Variants in SEC24B observed in about 807,000 individuals in gnomAD.
The protein encoded by SEC24B is SEC24 homolog B, COPII component.
SEC24B carries 45 observed loss-of-function variants against 142.8 expected under a neutral mutation model. That is an observed-to-expected ratio of 0.32 (90% confidence interval 0.25 to 0.40). The LOEUF is 0.40. Ranked by LOEUF, SEC24B falls within the 10% of genes least tolerant of loss-of-function variation. The pLI is 1.00. For synonymous variants in SEC24B, 574 were observed against 568.2 expected, an observed-to-expected ratio of 1.01 and a Z score of -0.15; for missense variants, 1,409 against 1,526.8, an observed-to-expected ratio of 0.92 and a Z score of 1.29.
rs748072579 is a variant in SEC24B at position 109,510,032 on chromosome 4, A to G, written c.1697A>G (p.Asn566Ser). The G allele has an allele frequency of 3.1e-6, 5 of 1,608,338 alleles. No individual in the cohort carries two copies. Among genetic ancestry groups the G allele is most frequent in the Non-Finnish European group, 4.2e-6 (5 of 1,178,016 alleles). The stretch of plus-strand genomic sequence containing the variant: ...AGTTCATTTCGGTGTACTTTGACAA[A>G]TATTCCACAGACACAGGCTTTACTG... ...SPDSFRCTLT[N>S]IPQTQALLNK... Residue 566 changes from asparagine (N) to serine (S), a missense_variant, in exon 8 of 24, where the codon AAT becomes AGT. Coordinates refer to ENST00000265175, the MANE Select transcript of SEC24B (RefSeq NM_006323.5).
At chr4:109,439,935 A>G (rs953991593) in intron 1 of SEC24B, among the ~76,000 whole-genome samples, 2 of 151,518 alleles carry the variant, frequency 1.3e-5, no homozygotes, top group Admixed American at 1.3e-4. Flanking sequence ...AGCCTGGACG[A>G]CAGGATGAAA....
chr4:109,445,008 C>T (rs1265361481), intron 1 of SEC24B, among the ~76,000 whole-genome samples: 5 of 152,034 alleles, frequency 3.3e-5, no homozygotes, highest in African/African-American at 4.8e-5. Context: ...ACTGCAACCT[C>T]GATCTCCTGG....
chr4:109,482,465 G>T (rs1236390836), intron 4 of SEC24B, among the ~76,000 whole-genome samples: 1 of 152,008 alleles, frequency 6.6e-6, no homozygotes, highest in Admixed American at 6.6e-5. Context: ...AATGCTTGGG[G>T]CCAGAGTGTT....
intron 3 of SEC24B, among the ~76,000 whole-genome samples, chr4:109,478,662 G>A (rs887382306): frequency 6.6e-6 from 1 of 152,116 alleles, no homozygotes; most frequent in Non-Finnish European, 1.5e-5. Context: ...ATAATGTTAC[G>A]CTCCTTCTCT....
chr4:109,539,825 G>A lies in SEC24B; in HGVS notation c.*150G>A. 1 of 589,798 alleles carries A rather than the reference G, an allele frequency of 1.7e-6. No homozygotes were observed. The highest frequency in any genetic ancestry group is 3.0e-6 in the Non-Finnish European group (1 of 335,686). 36.5% of individuals were successfully genotyped at this position (589,798 alleles called of 1,614,324 possible). The stretch of plus-strand genomic sequence containing the variant: ...TCTGAGGCTTTGGTAAAAAGTAAAG[G>A]GGAAGAAAGAACTTGACAGATCTTT... On this transcript the variant is annotated 3_prime_UTR_variant, in exon 24 of 24. Transcript: ENST00000265175.
In SEC24B at chr4:109,538,536, G is replaced by A. The variant is rs368092039; in HGVS notation, c.3632G>A (p.Arg1211Lys). The change falls in exon 23 of 24, where the codon AGA (arginine) becomes AAA (lysine). Residue 1211 changes from arginine to lysine, a missense_variant. This residue lies in a region of SEC24B where 700 missense variants were observed against 853.3 expected (regional missense o/e 0.82). Coordinates refer to ENST00000265175, the MANE Select transcript of SEC24B (RefSeq NM_006323.5). ...GATACACTTTCATCAGAAAGAGCCAGATCCTTCATAACTTGGCTTAGAGAC... is the reference window on the plus strand; with the variant it reads ...GATACACTTTCATCAGAAAGAGCCAAATCCTTCATAACTTGGCTTAGAGAC... ...ELDTLSSERA[R>K]SFITWLRDSR... The A allele has an allele frequency of 8.1e-5, 130 of 1,613,344 alleles. No individual in the cohort carries two copies. Among genetic ancestry groups the A allele is most frequent in the Non-Finnish European group, 1.1e-4 (127 of 1,179,464 alleles).
Position 109,516,546 on chromosome 4 carries a change from G to A in SEC24B, c.2032G>A (p.Ala678Thr). 6.2e-7 allele frequency: 1 copy of A among 1,610,636 alleles called. No homozygotes were observed. The highest frequency in any genetic ancestry group is 8.5e-7 in the Non-Finnish European group (1 of 1,178,026). ...SDYMLRPPQP[A>T]VYLFVLDVSH... Reference sequence around the variant, plus strand: ...CTTTCAGCTGCGTCCTCCTCAACCTGCAGTTTACTTGTTTGTTTTAGATGT... The same window carrying A: ...CTTTCAGCTGCGTCCTCCTCAACCTACAGTTTACTTGTTTGTTTTAGATGT... Residue 678 changes from alanine (A) to threonine (T), a missense_variant, in exon 11 of 24, where the codon GCA (alanine) becomes ACA (threonine). Transcript: ENST00000265175.
chr4:109,509,261 A>G (rs1037255472), intron 7 of SEC24B, among the ~76,000 whole-genome samples: 1 of 152,192 alleles, frequency 6.6e-6, no homozygotes, highest in Non-Finnish European at 1.5e-5. Flanking sequence ...GAATAAATAG[A>G]TATCTCTACA....
At position 109,462,999 on chromosome 4, in the gene SEC24B, A is replaced by G. The variant is rs1445534729; in HGVS notation, c.232A>G (p.Met78Val). The change falls in exon 2 of 24, where the codon ATG becomes GTG. Residue 78 changes from methionine to valine, a missense_variant. Physicochemically the swap from Met to Val is conservative, Grantham distance 21. Transcript: ENST00000265175. The stretch of plus-strand genomic sequence containing the variant: ...ACATTACTCTCAAGGACCTGGGAAA[A>G]TGACCTCATTGCCATTGGATACCCA... The part of the protein sequence containing the change: ...SGHYSQGPGK[M>V]TSLPLDTQCG... The G allele has an allele frequency of 1.2e-6, 2 of 1,614,084 alleles. No homozygotes were observed. The highest frequency in any genetic ancestry group is 2.2e-5 in the South Asian group (2 of 91,074).
At chr4:109,501,751 C>A (rs907394380) in intron 6 of SEC24B, among the ~76,000 whole-genome samples, 1 of 152,260 alleles carries the variant, frequency 6.6e-6, no homozygotes, top group African/African-American at 2.4e-5. Context: ...GGATTACAGG[C>A]GCAAGCCACT....
intron 5 of SEC24B, among the ~76,000 whole-genome samples, chr4:109,493,640 T>TC (rs1735233300): frequency 1.3e-5 from 2 of 152,090 alleles, no homozygotes; most frequent in South Asian, 4.1e-4. Flanking sequence ...CCTTTTTTTT[T>TC]TTTTTTGAGA....
intron 2 of SEC24B, among the ~76,000 whole-genome samples, chr4:109,468,021 T>G (rs1732141627): frequency 6.6e-6 from 1 of 152,238 alleles, no homozygotes; most frequent in African/African-American, 2.4e-5. Context: ...AAGTTAATAC[T>G]GTATCTGTCA....
intron 2 of SEC24B, among the ~76,000 whole-genome samples, chr4:109,463,975 T>C (rs1731588618): frequency 6.6e-6 from 1 of 152,228 alleles, no homozygotes; most frequent in Admixed American, 6.5e-5. Context: ...TGTTGGCCAC[T>C]ATTTTCTCTT....
chr4:109,492,999 C>T (rs1276521369), intron 5 of SEC24B, among the ~76,000 whole-genome samples: 3 of 151,714 alleles, frequency 2.0e-5, no homozygotes, highest in Non-Finnish European at 2.9e-5. Flanking sequence ...GGATAATAGG[C>T]TTGAGCCTTT....
chr4:109,501,488 T>A (rs1736139648), intron 6 of SEC24B, among the ~76,000 whole-genome samples: 1 of 152,256 alleles, frequency 6.6e-6, no homozygotes, highest in African/African-American at 2.4e-5. Flanking sequence ...TCTTTTTTTG[T>A]GAGATGAAGT....
At chr4:109,533,764 AT>A in intron 22 of SEC24B, 79 bp downstream of exon 22, 1 of 886,964 alleles carries the variant, frequency 1.1e-6, no homozygotes, top group Non-Finnish European at 1.8e-6. Flanking sequence ...AATATTCACC[AT>A]TTTAAAATGT....
At chr4:109,527,502 A>G (rs537122020) in intron 18 of SEC24B, 70 bp downstream of exon 18, 1 of 1,122,922 alleles carries the variant, frequency 8.9e-7, no homozygotes, top group South Asian at 1.3e-5. Context: ...GGCTGGTGGC[A>G]GTGCGTCCGC....
At chr4:109,536,304 T>C (rs1725528213) in intron 22 of SEC24B, among the ~76,000 whole-genome samples, 1 of 152,184 alleles carries the variant, frequency 6.6e-6, no homozygotes, top group Admixed American at 6.5e-5. Context: ...GAAACAGATC[T>C]AATTAATGAA....
At chr4:109,455,411 C>T (rs375759600) in intron 1 of SEC24B, among the ~76,000 whole-genome samples, 59 of 152,076 alleles carry the variant, frequency 3.9e-4, no homozygotes, top group South Asian at 1.7e-3. Context: ...CCACCATGCC[C>T]GGCTAATTTT....
Sources: allele counts gnomAD v4.1 joint callset (sites outside exome capture counted in the v4.1 genomes callset), GRCh38; gene constraint gnomAD v4.1.1; regional missense constraint gnomAD v4.1.1; transcripts MANE v1.5; gene names NCBI Gene and HGNC (gene_info 2026-07-23, HGNC 2026-07-21).